The following KLF12 variants were observed in gnomAD, a reference collection of about 807,000 sequenced individuals.
KLF12 encodes the protein KLF transcription factor 12.
In KLF12, 9 loss-of-function variants were observed where a neutral mutation model predicts 37.8. That is an observed-to-expected ratio of 0.24 (90% CI 0.14 to 0.42). KLF12 has a LOEUF of 0.42. Ranked by LOEUF, KLF12 falls within the 10% of genes least tolerant of loss-of-function variation. The pLI is 1.00. For missense variants in KLF12, 411 were observed against 516.0 expected, an observed-to-expected ratio of 0.80 and a Z score of 1.97; for synonymous variants, 208 against 202.1, an observed-to-expected ratio of 1.03 and a Z score of -0.25.
chr13:74,205,792 C>A, the KLF12 span, among the ~76,000 whole-genome samples: 1 of 152,088 alleles, frequency 6.6e-6, no homozygotes, highest in African/African-American at 2.4e-5. Flanking sequence ...AGTTTGAAAT[C>A]TACAACAAAG....
chr13:73,923,481 A>G (rs372982672), intron 3 of KLF12, among the ~76,000 whole-genome samples: 24 of 152,312 alleles, frequency 1.6e-4, no homozygotes, highest in African/African-American at 5.8e-4. Flanking sequence ...AAAATTTCTC[A>G]GACGTCTCCA....
intron 1 of KLF12, among the ~76,000 whole-genome samples, chr13:74,104,955 A>C (rs781274016): frequency 2.0e-5 from 3 of 152,152 alleles, no homozygotes; most frequent in Non-Finnish European, 4.4e-5. Context: ...TTACCCACCT[A>C]TATTAACTTC....
chr13:74,006,346 CTAACTT>C (rs964390702), intron 1 of KLF12, among the ~76,000 whole-genome samples: 4 of 152,106 alleles, frequency 2.6e-5, no homozygotes, highest in Non-Finnish European at 5.9e-5. Context: ...AAGAGCCTCC[CTAACTT>C]TAACACATGC....
chr13:73,759,380 CA>C (rs1341210212), intron 6 of KLF12, among the ~76,000 whole-genome samples: 1 of 152,074 alleles, frequency 6.6e-6, no homozygotes, highest in East Asian at 1.9e-4. Flanking sequence ...ATTAAAAAAT[CA>C]ATATTATCTA....
chr13:73,754,562 A>G (rs718569), intron 6 of KLF12, among the ~76,000 whole-genome samples: 27,957 of 152,164 alleles, frequency 0.18, 2,704 homozygotes, highest in Middle Eastern at 0.24. Context: ...ACTGCGGAAA[A>G]CACATTCTCT....
chr13:73,882,235 T>G (rs1003685533), intron 3 of KLF12, among the ~76,000 whole-genome samples: 4 of 152,190 alleles, frequency 2.6e-5, no homozygotes, highest in African/African-American at 9.7e-5. Flanking sequence ...TCCTGAAGTT[T>G]AAAAACTCCT....
the KLF12 span, chr13:74,289,097 T>C: frequency 1.6e-4 from 24 of 152,240 alleles, no homozygotes; most frequent in African/African-American, 5.8e-4. Flanking sequence ...TTTTCTATTT[T>C]TTTTAAGACT....
chr13:73,816,607 A>G (rs571851727), intron 4 of KLF12, among the ~76,000 whole-genome samples: 14 of 152,350 alleles, frequency 9.2e-5, no homozygotes, highest in South Asian at 6.2e-4. Flanking sequence ...GATTGTTACT[A>G]TAACGATCCC....
In KLF12 at chr13:73,970,257, C is replaced by T. The variant is rs114574304; in HGVS notation, c.33+24733G>A. ...TTTCTTATCTCTAAAAATGGAGATA[C>T]TATAATCTACTTAAGTTTTTTATTT... On this transcript the variant is annotated intron_variant, in intron 2 of 7. Transcript: ENST00000377669. Among the ~76,000 whole-genome samples, 385 of 152,188 alleles carry T rather than the reference C, an allele frequency of 2.5e-3. 1 individual carries two copies. The highest frequency in any genetic ancestry group is 9.0e-3 in the African/African-American group (373 of 41,524).
At chr13:74,138,515 G>C (rs1270921957), upstream of KLF12, among the ~76,000 whole-genome samples, 2 of 152,152 alleles carry the variant, frequency 1.3e-5, no homozygotes, top group Admixed American at 1.3e-4. Context: ...GTGATTACTT[G>C]GTAAACAACA....
intron 1 of KLF12, among the ~76,000 whole-genome samples, chr13:74,073,082 C>A (rs529387910): frequency 6.6e-6 from 1 of 152,288 alleles, no homozygotes; most frequent in South Asian, 2.1e-4. Context: ...CCTGCTGCCA[C>A]GTTAAGACGT....
chr13:74,125,152 A>AT (rs1566224566), intron 1 of KLF12, among the ~76,000 whole-genome samples: 3 of 150,256 alleles, frequency 2.0e-5, no homozygotes, highest in Non-Finnish European at 4.4e-5. Context: ...TTCAAAAAAA[A>AT]AAATATATAT....
At chr13:73,753,821 C>G (rs1309087634) in intron 6 of KLF12, among the ~76,000 whole-genome samples, 1 of 152,114 alleles carries the variant, frequency 6.6e-6, no homozygotes, top group Non-Finnish European at 1.5e-5. Flanking sequence ...GGAAGCTAGG[C>G]AGAGAAGGGG....
intron 6 of KLF12, among the ~76,000 whole-genome samples, chr13:73,737,595 AT>A (rs1457226455): frequency 2.0e-5 from 3 of 152,184 alleles, no homozygotes; most frequent in Non-Finnish European, 4.4e-5. Flanking sequence ...ATACCTGTGA[AT>A]CAGGTACGAA....
chr13:73,742,287 G>A (rs184250502), intron 6 of KLF12, among the ~76,000 whole-genome samples: 1 of 152,160 alleles, frequency 6.6e-6, no homozygotes, highest in Admixed American at 6.5e-5. Flanking sequence ...GCAGAAAATT[G>A]TAAGAACTGA....
chr13:73,740,140 G>T (rs1487161601), intron 6 of KLF12, among the ~76,000 whole-genome samples: 1 of 152,200 alleles, frequency 6.6e-6, no homozygotes, highest in Non-Finnish European at 1.5e-5. Context: ...ATAAAGTGAA[G>T]GTATTAGGAG....
rs568803830 is a variant in KLF12, at chr13:73,848,001, C to T, written c.124-1628G>A. Reference sequence around the variant, plus strand: ...ACATAGAAATTCTTTGCTTAGGTTGCTTTCATAAAAGACATCAACTAGTTT... The same window carrying T: ...ACATAGAAATTCTTTGCTTAGGTTGTTTTCATAAAAGACATCAACTAGTTT... On this transcript the variant is annotated intron_variant, in intron 3 of 7. Coordinates refer to ENST00000377669, the MANE Select transcript of KLF12 (RefSeq NM_007249.5). Among the ~76,000 whole-genome samples, 284 of 152,138 alleles carry T rather than the reference C, an allele frequency of 1.9e-3. 4 individuals are homozygous for T. The highest frequency in any genetic ancestry group is 4.3e-4 in the Non-Finnish European group (29 of 67,964).
chr13:74,023,442 C>T (rs1271796661), intron 1 of KLF12, among the ~76,000 whole-genome samples: 3 of 152,212 alleles, frequency 2.0e-5, no homozygotes, highest in Non-Finnish European at 4.4e-5. Flanking sequence ...TACTCTCTCA[C>T]AGTTATGGAG....
At chr13:73,754,276 T>C (rs761718940) in intron 6 of KLF12, among the ~76,000 whole-genome samples, 1 of 152,154 alleles carries the variant, frequency 6.6e-6, no homozygotes, top group Non-Finnish European at 1.5e-5. Flanking sequence ...CTACATCTAA[T>C]CAATTCCTAA....
Sources: allele counts gnomAD v4.1 joint callset (sites outside exome capture counted in the v4.1 genomes callset), GRCh38; gene constraint gnomAD v4.1.1; transcripts MANE v1.5; gene names NCBI Gene and HGNC (gene_info 2026-07-23, HGNC 2026-07-21).